MRTFB: variants seen among roughly 807,000 people sequenced by gnomAD.
MRTFB encodes the protein myocardin related transcription factor B.
In MRTFB, 29 loss-of-function variants were observed where a neutral mutation model predicts 104.2. That is an observed-to-expected ratio of 0.28 (90% CI 0.21 to 0.38). MRTFB has a LOEUF of 0.38. Ranked by LOEUF, MRTFB falls within the 10% of genes least tolerant of loss-of-function variation. The pLI, the probability that MRTFB is intolerant of heterozygous loss-of-function variation, is 1.00. For synonymous variants in MRTFB, 535 were observed against 519.5 expected, an observed-to-expected ratio of 1.03 and a Z score of -0.41; for missense variants, 1,270 against 1,341.6, an observed-to-expected ratio of 0.95 and a Z score of 0.83.
chr16:14,134,928 G>A (rs1488806748), intron 2 of MRTFB, among the ~76,000 whole-genome samples: 1 of 152,172 alleles, frequency 6.6e-6, no homozygotes, highest in Non-Finnish European at 1.5e-5. Flanking sequence ...GGGTCATTAA[G>A]GCAAAATTAA....
intron 13 of MRTFB, 101 bp from the exon 14 acceptor site, chr16:14,251,761 A>C: frequency 7.9e-7 from 1 of 1,261,202 alleles, no homozygotes; most frequent in Non-Finnish European, 1.1e-6. Flanking sequence ...GCAGCCCTTT[A>C]CAGAAAAAGT....
chr16:14,129,040 A>C (rs2037306766), intron 2 of MRTFB, among the ~76,000 whole-genome samples: 1 of 152,172 alleles, frequency 6.6e-6, no homozygotes, highest in Non-Finnish European at 1.5e-5. Flanking sequence ...AACTTCTTTC[A>C]CTTAGCATAA....
the MRTFB span, among the ~76,000 whole-genome samples, chr16:14,017,698 T>C: frequency 9.8e-3 from 316 of 32,140 alleles, 48 homozygotes; most frequent in African/African-American, 0.02. Context: ...TATATATATA[T>C]ATATATATAT....
chr16:14,075,814 C>T (rs2034008450), intron 1 of MRTFB, among the ~76,000 whole-genome samples: 1 of 152,204 alleles, frequency 6.6e-6, no homozygotes, highest in Non-Finnish European at 1.5e-5. Flanking sequence ...AATTGCTTGT[C>T]ACCAATTTCA....
At chr16:14,219,646 GA>G (rs979110768) in intron 8 of MRTFB, among the ~76,000 whole-genome samples, 10 of 152,198 alleles carry the variant, frequency 6.6e-5, no homozygotes, top group Non-Finnish European at 1.2e-4. Context: ...CAGAAGTATG[GA>G]AGTTTGGGGA....
chr16:14,048,204 A>G, the MRTFB span, among the ~76,000 whole-genome samples: 1 of 152,172 alleles, frequency 6.6e-6, no homozygotes, highest in Non-Finnish European at 1.5e-5. Flanking sequence ...TCCAGGTCTC[A>G]CTGATGCAAG....
the MRTFB span, chr16:14,013,414 G>C: frequency 6.6e-6 from 1 of 152,190 alleles, no homozygotes; most frequent in African/African-American, 2.4e-5. Flanking sequence ...AAACCCTCTT[G>C]TCACCAGCTC....
chr16:14,201,230 A>AGGTATGCACACG (rs1442153287), intron 3 of MRTFB, among the ~76,000 whole-genome samples: 1 of 152,234 alleles, frequency 6.6e-6, no homozygotes, highest in South Asian at 2.1e-4. Context: ...CACATTCCAT[A>AGGTATGCACACG]GGTATGCACA....
At chr16:14,188,199 T>C (rs1357329664) in intron 3 of MRTFB, among the ~76,000 whole-genome samples, 1 of 152,202 alleles carries the variant, frequency 6.6e-6, no homozygotes, top group African/African-American at 2.4e-5. Context: ...CGGCATGTCT[T>C]ACTGCCGGTT....
chr16:14,247,315 T>C lies in MRTFB; in HGVS notation c.2055T>C (p.Pro685=). ...CTGTAGTTATCAAGCAAGAGGTCCCTGTGGGCCAGGCAGAGCAGCAGAGTG... is the reference window on the plus strand; with the variant it reads ...CTGTAGTTATCAAGCAAGAGGTCCCCGTGGGCCAGGCAGAGCAGCAGAGTG... ...KKAVVIKQEV[P]VGQAEQQSVV... is the part of the protein sequence containing the mutation. Residue 685 remains proline (P), a synonymous_variant, in exon 12 of 17, where the codon CCT becomes CCC. Coordinates refer to ENST00000571589, the MANE Select transcript of MRTFB (RefSeq NM_001308142.2). 2 of 1,614,232 alleles carry C rather than the reference T, an allele frequency of 1.2e-6. No individual in the cohort carries two copies. Among genetic ancestry groups the C allele is most frequent in the African/African-American group, 1.3e-5 (1 of 75,068 alleles).
At chr16:14,043,233 A>G in the MRTFB span, among the ~76,000 whole-genome samples, 18,963 of 152,058 alleles carry the variant, frequency 0.12, 1,327 homozygotes, top group East Asian at 0.34. Context: ...GCGTACTTCC[A>G]TATGTGTTGC....
chr16:14,087,478 C>A (rs2034789171), intron 2 of MRTFB, among the ~76,000 whole-genome samples: 1 of 152,104 alleles, frequency 6.6e-6, no homozygotes, highest in East Asian at 1.9e-4. Flanking sequence ...AAATAGATGT[C>A]CAATGTGGGA....
At chr16:14,210,587 ATTTG>A (rs890560087) in intron 4 of MRTFB, among the ~76,000 whole-genome samples, 1 of 152,172 alleles carries the variant, frequency 6.6e-6, no homozygotes. Context: ...AAACTTTAAT[ATTTG>A]TTTTAGTTTT....
the MRTFB span, among the ~76,000 whole-genome samples, chr16:14,012,667 C>T: frequency 1.3e-5 from 2 of 152,062 alleles, no homozygotes; most frequent in East Asian, 1.9e-4. Flanking sequence ...GGTGTCATAC[C>T]CATTTCCCAG....
intron 2 of MRTFB, among the ~76,000 whole-genome samples, chr16:14,089,894 A>G (rs928315034): frequency 6.6e-6 from 1 of 152,184 alleles, no homozygotes; most frequent in African/African-American, 2.4e-5. Flanking sequence ...AATGATATTG[A>G]ACATCTTTTC....
the MRTFB span, chr16:14,012,898 C>T: frequency 2.6e-5 from 4 of 152,106 alleles, no homozygotes; most frequent in Admixed American, 6.5e-5. Flanking sequence ...TATCATCTGA[C>T]TTTTTCCTGA....
chr16:14,262,895 C>T lies in MRTFB; in HGVS notation c.*1451C>T, dbSNP rs191591196. On this transcript the variant is annotated 3_prime_UTR_variant, in exon 17 of 17. Coordinates refer to ENST00000571589, the MANE Select transcript of MRTFB (RefSeq NM_001308142.2). ...TGTAAACCCTCAGGTCAGGTTGGTT[C>T]CCCTGGGTCACAAAATGGTAAATGT... 1.3e-5 allele frequency: 2 copies of T among 152,434 alleles called. No homozygotes were observed. Among genetic ancestry groups the T allele is most frequent in the East Asian group, 1.9e-4 (1 of 5,188 alleles). 9.4% of individuals were successfully genotyped at this position (152,434 alleles called of 1,614,324 possible).
chr16:14,079,685 C>G (rs2034279124), intron 2 of MRTFB, among the ~76,000 whole-genome samples: 1 of 151,764 alleles, frequency 6.6e-6, no homozygotes, highest in Non-Finnish European at 1.5e-5. Flanking sequence ...ATACTTTTTT[C>G]TTAAAATAGG....
chr16:14,004,511 G>A, the MRTFB span, among the ~76,000 whole-genome samples: 1 of 152,152 alleles, frequency 6.6e-6, no homozygotes, highest in Non-Finnish European at 1.5e-5. Flanking sequence ...ACATTCAGGG[G>A]CACCATGATC....
Sources: allele counts gnomAD v4.1 joint callset (sites outside exome capture counted in the v4.1 genomes callset), GRCh38; gene constraint gnomAD v4.1.1; transcripts MANE v1.5; gene names NCBI Gene and HGNC (gene_info 2026-07-23, HGNC 2026-07-21).